The following TYW1 variants were observed in gnomAD, a reference collection of about 807,000 sequenced individuals.
The protein encoded by TYW1 is tRNA-yW synthesizing protein 1 homolog.
In TYW1, 46 loss-of-function variants were observed where a neutral mutation model predicts 96.2. The ratio of observed to expected loss-of-function variants is 0.48; its 90% CI spans 0.38 to 0.61. The LOEUF is 0.61. Among genes scored for constraint, TYW1 ranks in the 20% least tolerant of loss-of-function variants. The pLI is 0.00. For missense variants in TYW1, 684 were observed against 909.6 expected, an observed-to-expected ratio of 0.75 and a Z score of 3.19; for synonymous variants, 274 against 323.0, an observed-to-expected ratio of 0.85 and a Z score of 1.63.
intron 7 of TYW1, among the ~76,000 whole-genome samples, chr7:67,035,029 A>AT (rs1240191507): frequency 1.3e-5 from 2 of 152,020 alleles, no homozygotes; most frequent in African/African-American, 4.8e-5. Context: ...GTTAATTTGC[A>AT]TTTTTAAAAT....
chr7:67,051,506 T>G (rs933569838), intron 8 of TYW1, among the ~76,000 whole-genome samples: 2 of 152,152 alleles, frequency 1.3e-5, no homozygotes, highest in African/African-American at 4.8e-5. Flanking sequence ...CACTTTATTA[T>G]TATTTTTTTC....
At position 67,014,347 on chromosome 7, in the gene TYW1, A is replaced by G; in HGVS notation, c.376-20A>G. ...TTTATGCCTTGTATGTTCCACTGAA[A>G]CAATTACTTTCTTGGTTAGGTGACT... On this transcript the variant is annotated intron_variant, in intron 4 of 15. Transcript: ENST00000359626. 6.4e-7 allele frequency: 1 copy of G among 1,574,602 alleles called. No homozygotes were observed. The highest frequency in any genetic ancestry group is 8.6e-7 in the Non-Finnish European group (1 of 1,160,574).
chr7:67,099,726 G>C (rs926582290), intron 12 of TYW1, among the ~76,000 whole-genome samples: 2 of 152,226 alleles, frequency 1.3e-5, no homozygotes, highest in Non-Finnish European at 2.9e-5. Flanking sequence ...TGTTAAGCCA[G>C]GCGCGGTGGC....
At chr7:67,030,157 T>C (rs1440173562) in intron 7 of TYW1, among the ~76,000 whole-genome samples, 9 of 152,208 alleles carry the variant, frequency 5.9e-5, no homozygotes, top group South Asian at 2.1e-4. Context: ...GGTTAAATCA[T>C]TGGGCAGTTG....
chr7:67,092,504 G>A lies in TYW1; in HGVS notation c.1385-6037G>A, dbSNP rs377340718. Among the ~76,000 whole-genome samples the A allele has an allele frequency of 7.9e-5, 12 of 152,034 alleles. No individual in the cohort carries two copies. In the South Asian group the frequency reaches 1.9e-3, roughly 24 times the overall value. On this transcript the variant is annotated intron_variant, in intron 11 of 15. Coordinates refer to ENST00000359626, the MANE Select transcript of TYW1 (RefSeq NM_018264.4). ...TTTTCTCCGACTGGAATGCTCTTCC[G>A]TCTTTGCCCTCTTGGCCTACTCCCT...
At chr7:67,230,437 A>G (rs1204228376) in intron 15 of TYW1, among the ~76,000 whole-genome samples, 2 of 151,180 alleles carry the variant, frequency 1.3e-5, no homozygotes, top group Non-Finnish European at 2.9e-5. Flanking sequence ...ACAGTTAAAA[A>G]GTCCAAGTTT....
intron 15 of TYW1, among the ~76,000 whole-genome samples, chr7:67,221,424 A>G (rs1801388294): frequency 6.6e-6 from 1 of 152,156 alleles, no homozygotes; most frequent in African/African-American, 2.4e-5. Flanking sequence ...GAATGGGATC[A>G]TATCTTTTTG....
At chr7:67,014,775 C>T (rs1318951860) in intron 5 of TYW1, among the ~76,000 whole-genome samples, 1 of 152,188 alleles carries the variant, frequency 6.6e-6, no homozygotes, top group Non-Finnish European at 1.5e-5. Context: ...GTCGCCCAGG[C>T]TGGAGTGCAG....
chr7:67,077,449 A>C (rs1422397471), intron 10 of TYW1, among the ~76,000 whole-genome samples: 1 of 152,192 alleles, frequency 6.6e-6, no homozygotes, highest in Admixed American at 6.5e-5. Context: ...GTGAGATGGA[A>C]TCTCATTGCG....
At chr7:67,210,903 T>A (rs1372602446) in intron 15 of TYW1, among the ~76,000 whole-genome samples, 6,772 of 107,858 alleles carry the variant, frequency 0.063, 266 homozygotes, top group African/African-American at 0.12. Flanking sequence ...TATCCATCTG[T>A]CCATCCATCT....
At chr7:67,001,406 T>TTTTA (rs898897379) in intron 3 of TYW1, among the ~76,000 whole-genome samples, 1 of 145,784 alleles carries the variant, frequency 6.9e-6, no homozygotes, top group South Asian at 2.1e-4. Flanking sequence ...ATTTATTTTA[T>TTTTA]TTTATTTATT....
chr7:67,072,963 T>TTTTTTTTTTTTTTTTTTTTTTTTTG (rs1219374462), intron 10 of TYW1, among the ~76,000 whole-genome samples: 4 of 118,592 alleles, frequency 3.4e-5, no homozygotes, highest in African/African-American at 1.4e-4. Flanking sequence ...TTTTTTTTTT[T>TTTTTTTTTTTTTTTTTTTTTTTTTG]TATAGAGACA....
intron 13 of TYW1, among the ~76,000 whole-genome samples, chr7:67,121,378 A>G (rs1467504454): frequency 6.6e-6 from 1 of 152,166 alleles, no homozygotes; most frequent in African/African-American, 2.4e-5. Flanking sequence ...TCTACTACAA[A>G]TACAAAAAAA....
intron 13 of TYW1, among the ~76,000 whole-genome samples, chr7:67,167,760 T>G (rs567304064): frequency 4.7e-4 from 72 of 152,050 alleles, no homozygotes; most frequent in African/African-American, 1.6e-3. Context: ...TTATTTATAT[T>G]TATTGATTGA....
At chr7:67,022,881 C>T (rs1051487157) in intron 6 of TYW1, among the ~76,000 whole-genome samples, 2 of 152,176 alleles carry the variant, frequency 1.3e-5, no homozygotes, top group African/African-American at 2.4e-5. Flanking sequence ...CTTCTGTAGT[C>T]TCAGGCTTGG....
chr7:67,138,415 C>A (rs12533296), intron 13 of TYW1, among the ~76,000 whole-genome samples: 6,383 of 151,566 alleles, frequency 0.042, 179 homozygotes, highest in Middle Eastern at 0.11. Flanking sequence ...AATATGTAAT[C>A]ATTATGTGAT....
intron 3 of TYW1, among the ~76,000 whole-genome samples, chr7:67,001,641 C>T (rs1399128023): frequency 2.6e-5 from 4 of 151,558 alleles, no homozygotes; most frequent in Non-Finnish European, 4.4e-5. Flanking sequence ...AGACTGTTCT[C>T]GAACTCCTGA....
intron 3 of TYW1, 79 bp downstream of exon 3, chr7:66,999,033 G>C: frequency 6.8e-7 from 1 of 1,470,118 alleles, no homozygotes; most frequent in South Asian, 1.2e-5. Context: ...CTTTAGCAGT[G>C]AACTGTCCTT....
intron 9 of TYW1, among the ~76,000 whole-genome samples, chr7:67,066,831 G>C (rs547080400): frequency 2.6e-5 from 4 of 152,300 alleles, no homozygotes; most frequent in African/African-American, 9.6e-5. Context: ...CTAAGGAACA[G>C]AGCAAGACCC....
Sources: allele counts gnomAD v4.1 joint callset (sites outside exome capture counted in the v4.1 genomes callset), GRCh38; gene constraint gnomAD v4.1.1; transcripts MANE v1.5; gene names NCBI Gene and HGNC (gene_info 2026-07-23, HGNC 2026-07-21).